The following HIVEP3 variants were observed in gnomAD, a reference collection of about 807,000 sequenced individuals.
HIVEP3 encodes HIVEP zinc finger 3, also known as transcription factor HIVEP3.
HIVEP3 carries 49 observed loss-of-function variants against 152.8 expected under a neutral mutation model. The ratio of observed to expected loss-of-function variants is 0.32; its 90% CI spans 0.26 to 0.41. The LOEUF is 0.41. Among genes scored for constraint, HIVEP3 ranks in the 10% least tolerant of loss-of-function variants. The pLI is 1.00. For missense variants in HIVEP3, 2,790 were observed against 3,103.3 expected (o/e 0.90, Z 2.40); for synonymous variants, 1,269 against 1,289.0 (o/e 0.98, Z 0.33).
intron 1 of HIVEP3, among the ~76,000 whole-genome samples, chr1:41,730,713 A>T (rs1339710260): frequency 2.0e-5 from 3 of 152,236 alleles, no homozygotes; most frequent in Admixed American, 2.0e-4. Context: ...TGGCATTAGG[A>T]GGCCTCTAAT....
chr1:41,879,459 C>A (rs915587926), intron 1 of HIVEP3, among the ~76,000 whole-genome samples: 1 of 152,208 alleles, frequency 6.6e-6, no homozygotes, highest in Non-Finnish European at 1.5e-5. Context: ...TTTTGAATGA[C>A]CTTCTCTTCC....
At chr1:41,642,806 T>C (rs1037344098) in intron 2 of HIVEP3, among the ~76,000 whole-genome samples, 2 of 152,176 alleles carry the variant, frequency 1.3e-5, no homozygotes, top group Non-Finnish European at 2.9e-5. Flanking sequence ...AGTGTCCACA[T>C]GATCCTCTCG....
intron 5 of HIVEP3, among the ~76,000 whole-genome samples, chr1:41,526,997 ACT>A (rs1642972401): frequency 1.4e-5 from 1 of 73,358 alleles, no homozygotes; most frequent in East Asian, 6.3e-4. Flanking sequence ...ACACCCCTGC[ACT>A]CACACTCGCT....
At chr1:41,876,529 T>C (rs1461115708) in intron 1 of HIVEP3, among the ~76,000 whole-genome samples, 1 of 152,256 alleles carries the variant, frequency 6.6e-6, no homozygotes, top group Non-Finnish European at 1.5e-5. Flanking sequence ...GCCTGGCCTA[T>C]AGACAATGCT....
chr1:41,982,123 A>G (rs948399293), intron 1 of HIVEP3, among the ~76,000 whole-genome samples: 8 of 152,262 alleles, frequency 5.3e-5, no homozygotes, highest in African/African-American at 1.7e-4. Flanking sequence ...ACTTTATAAG[A>G]TTTCCTTGTT....
intron 1 of HIVEP3, among the ~76,000 whole-genome samples, chr1:41,824,388 C>A (rs912632764): frequency 2.6e-5 from 4 of 152,080 alleles, no homozygotes; most frequent in African/African-American, 9.7e-5. Context: ...TACAATCTAC[C>A]ATTTTGCAAT....
At chr1:41,985,366 G>A (rs752039702) in intron 1 of HIVEP3, among the ~76,000 whole-genome samples, 1 of 152,164 alleles carries the variant, frequency 6.6e-6, no homozygotes, top group Admixed American at 6.6e-5. Context: ...ATAAACAATA[G>A]AAATTATTTC....
chr1:41,581,987 A>G lies in HIVEP3; in HGVS notation c.2811T>C (p.Asn937=). 6.2e-7 allele frequency: 1 copy of G among 1,614,126 alleles called. No homozygotes were observed. ...AGCGGCTGGACCCACTCAAAGAGAC[A>G]TTGCTTTCCTGGCTCGGGCTGCGAG... is the stretch of plus-strand genomic sequence containing the variant. The part of the protein sequence containing the change: ...PLSRSPSQES[N]VSLSGSSRSA... The change falls in exon 4 of 9, where the codon AAT becomes AAC. Residue 937 remains asparagine (N), a synonymous_variant. Coordinates refer to ENST00000372583, the MANE Select transcript of HIVEP3 (RefSeq NM_024503.5). This position sits in a 1 kb window ranked among gnomAD's most constrained non-coding sequence, Gnocchi z 4.5.
chr1:41,567,357 C>A (rs1047077696), intron 5 of HIVEP3, among the ~76,000 whole-genome samples: 6 of 152,244 alleles, frequency 3.9e-5, no homozygotes, highest in Non-Finnish European at 8.8e-5. Flanking sequence ...ACAACCACTA[C>A]TCCTTCCCAA....
At chr1:41,526,563 A>ATGCT (rs1642929289) in intron 5 of HIVEP3, among the ~76,000 whole-genome samples, 2 of 17,598 alleles carry the variant, frequency 1.1e-4, no homozygotes, top group East Asian at 8.3e-4. Context: ...TCACCCTCAC[A>ATGCT]CACCCTCACA....
At chr1:41,649,115 T>A (rs1645506130) in intron 2 of HIVEP3, among the ~76,000 whole-genome samples, 1 of 152,216 alleles carries the variant, frequency 6.6e-6, no homozygotes, top group Non-Finnish European at 1.5e-5. Context: ...GAAAGAGCTC[T>A]ATATTTAGAC....
At chr1:41,712,410 C>A (rs1172749310) in intron 1 of HIVEP3, among the ~76,000 whole-genome samples, 1 of 152,208 alleles carries the variant, frequency 6.6e-6, no homozygotes, top group African/African-American at 2.4e-5. Context: ...TTTCCAGTCT[C>A]CTGGCAGAGA....
intron 5 of HIVEP3, among the ~76,000 whole-genome samples, chr1:41,573,883 AG>A (rs1202563048): frequency 6.6e-6 from 1 of 152,094 alleles, no homozygotes; most frequent in Non-Finnish European, 1.5e-5. Context: ...GGAGGTGGAG[AG>A]GGAGTAGGAC....
chr1:41,745,174 C>T (rs1647053360), intron 1 of HIVEP3, among the ~76,000 whole-genome samples: 1 of 152,214 alleles, frequency 6.6e-6, no homozygotes, highest in Admixed American at 6.5e-5. Flanking sequence ...AACCCATACT[C>T]AAGACATTTC....
intron 1 of HIVEP3, among the ~76,000 whole-genome samples, chr1:41,898,954 A>G (rs1249838248): frequency 6.6e-6 from 1 of 152,270 alleles, no homozygotes; most frequent in Non-Finnish European, 1.5e-5. Context: ...TGCAAAGAGG[A>G]AGAACAGTTC....
At chr1:41,725,061 AG>A (rs1646732801) in intron 1 of HIVEP3, among the ~76,000 whole-genome samples, 1 of 152,228 alleles carries the variant, frequency 6.6e-6, no homozygotes, top group South Asian at 2.1e-4. Flanking sequence ...TGAGGTTCAG[AG>A]TGGTCAAGTG....
intron 3 of HIVEP3, among the ~76,000 whole-genome samples, chr1:41,627,954 G>A (rs1271338142): frequency 6.6e-6 from 1 of 151,518 alleles, no homozygotes; most frequent in Non-Finnish European, 1.5e-5. Context: ...CTCTCTGGGT[G>A]ATTCTGGCTC....
intron 1 of HIVEP3, among the ~76,000 whole-genome samples, chr1:41,950,472 G>A (rs559543882): frequency 6.6e-6 from 1 of 152,272 alleles, no homozygotes; most frequent in South Asian, 2.1e-4. Context: ...AACTTAAGAG[G>A]TGTTTTAAGA....
At chr1:41,974,419 T>A (rs12081946) in intron 1 of HIVEP3, among the ~76,000 whole-genome samples, 2,219 of 150,104 alleles carry the variant, frequency 0.015, 54 homozygotes, top group African/African-American at 0.053. Flanking sequence ...GGTTTCAGCA[T>A]GCTATCACAC....
Sources: gnomAD v4.1 joint callset for allele counts (sites outside exome capture counted in the v4.1 genomes callset) on GRCh38, gnomAD v4.1.1 for gene constraint, Gnocchi (gnomAD v3.1) non-coding constraint, MANE v1.5 for transcripts, NCBI Gene and HGNC (gene_info 2026-07-23, HGNC 2026-07-21) for gene names.